CTNNA2: variants seen among roughly 807,000 people sequenced by gnomAD.
CTNNA2 encodes catenin alpha-2.
Under a neutral mutation model 101.0 loss-of-function variants are expected in CTNNA2, and 42 were observed. The observed-to-expected ratio is 0.42, with a 90% CI of 0.32 to 0.54. The LOEUF is 0.54. Among genes scored for constraint, CTNNA2 ranks in the 20% least tolerant of loss-of-function variants. CTNNA2 has a pLI of 0.14. For missense variants in CTNNA2, 871 were observed against 1,223.1 expected, an observed-to-expected ratio of 0.71 and a Z score of 4.29; for synonymous variants, 450 against 456.4, an observed-to-expected ratio of 0.99 and a Z score of 0.18.
intron 7 of CTNNA2, among the ~76,000 whole-genome samples, chr2:80,380,287 T>G (rs1035792030): frequency 6.6e-6 from 1 of 152,054 alleles, no homozygotes; most frequent in Non-Finnish European, 1.5e-5. Flanking sequence ...CCTCCCACCT[T>G]GGCCTCCCAA....
intron 7 of CTNNA2, among the ~76,000 whole-genome samples, chr2:79,972,305 A>G (rs1232580671): frequency 6.6e-6 from 1 of 152,218 alleles, no homozygotes; most frequent in African/African-American, 2.4e-5. Flanking sequence ...TGTGCTCTAT[A>G]ATAGTACCTG....
intron 7 of CTNNA2, among the ~76,000 whole-genome samples, chr2:79,949,115 C>T (rs1688704949): frequency 6.6e-6 from 1 of 152,084 alleles, no homozygotes; most frequent in Non-Finnish European, 1.5e-5. Flanking sequence ...ATTATATAAA[C>T]TTTCAAATGC....
At chr2:79,895,251 C>T (rs144437077) in intron 6 of CTNNA2, among the ~76,000 whole-genome samples, 1,846 of 152,262 alleles carry the variant, frequency 0.012, 47 homozygotes, top group African/African-American at 0.041. Context: ...CACATTATTC[C>T]TGTGAGACAA....
Position 80,276,671 on chromosome 2 carries a change from GGAA to G in CTNNA2, c.1057-116528_1057-116526del, listed in dbSNP as rs1385860739. Among the ~76,000 whole-genome samples the G allele has an allele frequency of 6.6e-5, 10 of 150,452 alleles. No homozygotes were observed. In the South Asian group the frequency reaches 1.5e-3, roughly 22 times the overall value. On this transcript the variant is annotated intron_variant, in intron 7 of 18. Coordinates refer to ENST00000402739, the MANE Select transcript of CTNNA2 (RefSeq NM_001282597.3). The stretch of plus-strand genomic sequence containing the variant: ...AGGAGGAGAAGGAGGAGGAGGAGGA[GGAA>G]GAAGAAGAAGAGGAGGAGGAGGAGG...
At position 80,135,185 on chromosome 2, in the gene CTNNA2, C is replaced by G. The variant is rs546481548; in HGVS notation, c.1056+225388C>G. Reference sequence around the variant, plus strand: ...TAGGCTTGGGTGATGCAGTTCAGGGCCAACAGAGAGAGACTTGGGCTAGGG... The same window carrying G: ...TAGGCTTGGGTGATGCAGTTCAGGGGCAACAGAGAGAGACTTGGGCTAGGG... On this transcript the variant is annotated intron_variant, in intron 7 of 18. Coordinates refer to ENST00000402739, the MANE Select transcript of CTNNA2 (RefSeq NM_001282597.3). Among the ~76,000 whole-genome samples, 11 of 152,232 alleles carry G rather than the reference C, an allele frequency of 7.2e-5. No homozygotes were observed. In the East Asian group the frequency reaches 1.2e-3, roughly 16 times the overall value.
intron 7 of CTNNA2, among the ~76,000 whole-genome samples, chr2:79,975,494 A>G (rs1019516765): frequency 2.6e-5 from 4 of 152,120 alleles, no homozygotes; most frequent in Admixed American, 1.3e-4. Context: ...ACCTAGAGGT[A>G]GTGTCAGATC....
chr2:79,773,941 G>A lies in CTNNA2; in HGVS notation c.298+29359G>A, dbSNP rs568285451. Among the ~76,000 whole-genome samples the A allele has an allele frequency of 2.7e-4, 41 of 152,152 alleles. 1 individual carries two copies. The Middle Eastern group carries it at 0.014, about 50-fold the overall frequency. ...AAATCTTGGCTGCTGTATTATTATA[G>A]AGACTCGAGTCCCCTTTTGGTAGAT... On this transcript the variant is annotated intron_variant, in intron 3 of 18. Transcript: ENST00000402739.
intron 4 of CTNNA2, among the ~76,000 whole-genome samples, chr2:79,433,842 C>T (rs971868186): frequency 3.3e-5 from 5 of 152,110 alleles, no homozygotes; most frequent in African/African-American, 1.2e-4. Flanking sequence ...TATGACAATT[C>T]ATTCATCAGA....
chr2:79,541,448 A>G (rs2103991672), intron 1 of CTNNA2, among the ~76,000 whole-genome samples: 1 of 149,636 alleles, frequency 6.7e-6, no homozygotes, highest in South Asian at 2.1e-4. Flanking sequence ...ATATATATAT[A>G]TATATATATA....
chr2:79,462,979 T>A (rs2104537269), intron 4 of CTNNA2, among the ~76,000 whole-genome samples: 2 of 152,286 alleles, frequency 1.3e-5, no homozygotes, highest in Non-Finnish European at 2.9e-5. Flanking sequence ...CATTTTAAAG[T>A]GATTATGTGG....
chr2:79,680,005 G>A (rs1480056266), intron 2 of CTNNA2, among the ~76,000 whole-genome samples: 2 of 152,172 alleles, frequency 1.3e-5, no homozygotes, highest in East Asian at 3.9e-4. Flanking sequence ...GAAATGTTTT[G>A]CAACAAATCG....
intron 3 of CTNNA2, among the ~76,000 whole-genome samples, chr2:79,349,936 T>C (rs1244851957): frequency 6.6e-6 from 1 of 151,722 alleles, no homozygotes; most frequent in South Asian, 2.1e-4. Flanking sequence ...TAGCCAGGCG[T>C]GGTGGCGGGC....
intron 9 of CTNNA2, among the ~76,000 whole-genome samples, chr2:80,512,937 A>G (rs540521230): frequency 6.6e-6 from 1 of 151,964 alleles, no homozygotes; most frequent in Non-Finnish European, 1.5e-5. Context: ...CCCTTTGAAA[A>G]TGAAATATCT....
intron 7 of CTNNA2, among the ~76,000 whole-genome samples, chr2:80,368,223 C>A (rs1675113617): frequency 6.6e-6 from 1 of 152,108 alleles, no homozygotes; most frequent in African/African-American, 2.4e-5. Context: ...CTTTCAGCAT[C>A]TGCAAAGAGA....
chr2:79,307,579 A>T (rs889501405), intron 2 of CTNNA2, among the ~76,000 whole-genome samples: 9 of 152,160 alleles, frequency 5.9e-5, no homozygotes, highest in African/African-American at 2.2e-4. Context: ...GCTGAATAGT[A>T]TTCTATTGTG....
At chr2:80,377,858 G>A (rs936455804) in intron 7 of CTNNA2, among the ~76,000 whole-genome samples, 1 of 152,058 alleles carries the variant, frequency 6.6e-6, no homozygotes. Context: ...TATCTTCCTC[G>A]GTCATCTATG....
Position 79,310,695 on chromosome 2 carries a change from G to A in CTNNA2, c.-405-2014G>A, listed in dbSNP as rs143058532. 2.0e-5 allele frequency among the ~76,000 whole-genome samples: 3 copies of A among 152,332 alleles called. No homozygotes were observed. The East Asian group carries it at 5.8e-4, about 29-fold the overall frequency. Reference sequence around the variant, plus strand: ...TAAATCAATGCAGAATTGAGAAACTGAGATAGTTAAAGCCAGCATAGCCTG... The same window carrying A: ...TAAATCAATGCAGAATTGAGAAACTAAGATAGTTAAAGCCAGCATAGCCTG... On this transcript the variant is annotated intron_variant, in intron 2 of 21. Coordinates refer to the CTNNA2 transcript ENST00000466387.
intron 9 of CTNNA2, among the ~76,000 whole-genome samples, chr2:80,519,021 TC>T (rs1357886911): frequency 2.0e-5 from 3 of 152,072 alleles, no homozygotes; most frequent in Admixed American, 1.3e-4. Flanking sequence ...AAGAAGGGAA[TC>T]CACAATTAGT....
chr2:80,638,452 C>G (rs1485542828), intron 18 of CTNNA2, among the ~76,000 whole-genome samples: 1 of 151,938 alleles, frequency 6.6e-6, no homozygotes, highest in Non-Finnish European at 1.5e-5. Context: ...TTGGGATAAG[C>G]GAGGGTGCTG....
Sources: allele counts gnomAD v4.1 joint callset (sites outside exome capture counted in the v4.1 genomes callset), GRCh38; gene constraint gnomAD v4.1.1; transcripts MANE v1.5; gene names NCBI Gene and HGNC (gene_info 2026-07-23, HGNC 2026-07-21).